The following SCD5 variants were observed in gnomAD, a reference collection of about 807,000 sequenced individuals.
The protein encoded by SCD5 is acyl-CoA-desaturase 4.
A neutral mutation model predicts 30.4 loss-of-function variants in SCD5; 20 were observed. That is an observed-to-expected ratio of 0.66 (90% CI 0.46 to 0.96). The LOEUF (loss-of-function observed/expected upper bound fraction) is 0.96, where lower values mean the gene tolerates loss of function less well. Ranked by LOEUF, SCD5 falls within the 40% of genes least tolerant of loss-of-function variation. The pLI is 0.00. For missense variants in SCD5, 381 were observed against 443.3 expected (o/e 0.86, Z 1.26); for synonymous variants, 173 against 176.4 (o/e 0.98, Z 0.16).
At chr4:82,735,016 A>G (rs113185805) in intron 1 of SCD5, among the ~76,000 whole-genome samples, 48,220 of 151,260 alleles carry the variant, frequency 0.32, 7,811 homozygotes, top group Middle Eastern at 0.38. Context: ...CAATCTGCCC[A>G]CCTCAGCCTC....
chr4:82,640,958 C>T (rs572438777), intron 3 of SCD5, among the ~76,000 whole-genome samples: 1 of 152,210 alleles, frequency 6.6e-6, no homozygotes, highest in Non-Finnish European at 1.5e-5. Flanking sequence ...CACCACAGAA[C>T]ATTCAACTAC....
chr4:82,696,492 T>G (rs76907086), intron 2 of SCD5, among the ~76,000 whole-genome samples: 3,131 of 152,324 alleles, frequency 0.021, 103 homozygotes, highest in African/African-American at 0.072. Context: ...TTTCATTTCG[T>G]ATCTTCATTA....
At chr4:82,793,373 CAA>C (rs1162373750) in intron 1 of SCD5, among the ~76,000 whole-genome samples, 1 of 151,972 alleles carries the variant, frequency 6.6e-6, no homozygotes, top group Non-Finnish European at 1.5e-5. Context: ...AGCTACAAAA[CAA>C]TGATCTTTTG....
At chr4:82,713,088 G>A (rs1016310776) in intron 1 of SCD5, among the ~76,000 whole-genome samples, 1 of 152,110 alleles carries the variant, frequency 6.6e-6, no homozygotes, top group Non-Finnish European at 1.5e-5. Flanking sequence ...CTACTGTGCC[G>A]CATATGAGCT....
At chr4:82,697,177 T>C (rs1263898063) in intron 2 of SCD5, among the ~76,000 whole-genome samples, 1 of 152,246 alleles carries the variant, frequency 6.6e-6, no homozygotes, top group Non-Finnish European at 1.5e-5. Context: ...AGATTCCCAA[T>C]TGACAGGACT....
At chr4:82,755,855 C>G (rs1721224616) in intron 1 of SCD5, among the ~76,000 whole-genome samples, 1 of 152,192 alleles carries the variant, frequency 6.6e-6, no homozygotes, top group African/African-American at 2.4e-5. Flanking sequence ...TAAAGGCTGG[C>G]ACGGCTCCAT....
chr4:82,664,991 CTCTCT>C (rs1728139196), intron 3 of SCD5, among the ~76,000 whole-genome samples: 1 of 96,158 alleles, frequency 1.0e-5, no homozygotes, highest in Non-Finnish European at 2.0e-5. Flanking sequence ...CTCTCTCTCT[CTCTCT>C]CTCTATATAT....
At chr4:82,707,118 T>G (rs1419579783) in intron 1 of SCD5, among the ~76,000 whole-genome samples, 1 of 152,236 alleles carries the variant, frequency 6.6e-6, no homozygotes, top group African/African-American at 2.4e-5. Context: ...GTTGGATGCT[T>G]ACTAGCTGCA....
At chr4:82,763,149 A>G (rs1438117353) in intron 1 of SCD5, among the ~76,000 whole-genome samples, 1 of 152,182 alleles carries the variant, frequency 6.6e-6, no homozygotes, top group Non-Finnish European at 1.5e-5. Context: ...CACCCAACTC[A>G]TATGCTGAAG....
chr4:82,752,943 C>G (rs896731282), intron 1 of SCD5, among the ~76,000 whole-genome samples: 9 of 152,144 alleles, frequency 5.9e-5, no homozygotes, highest in African/African-American at 1.9e-4. Context: ...ATATCTTTTA[C>G]TTAATTCCCT....
chr4:82,682,885 C>T (rs1188908875), intron 2 of SCD5, among the ~76,000 whole-genome samples: 2 of 152,076 alleles, frequency 1.3e-5, no homozygotes, highest in African/African-American at 2.4e-5. Flanking sequence ...GTGTGATCTT[C>T]GGTCCCTGAA....
chr4:82,705,484 C>T, intron 1 of SCD5, 71 bp from the exon 2 acceptor site: 15 of 1,582,514 alleles, frequency 9.5e-6, no homozygotes, highest in Non-Finnish European at 1.3e-5. Context: ...TGCTTTTTCT[C>T]TCCTGAACAG....
At chr4:82,719,746 A>T (rs1464486775) in intron 1 of SCD5, among the ~76,000 whole-genome samples, 3 of 149,090 alleles carry the variant, frequency 2.0e-5, no homozygotes, top group Non-Finnish European at 4.4e-5. Context: ...CTTGTGATCC[A>T]CCCGCCTCGG....
intron 1 of SCD5, among the ~76,000 whole-genome samples, chr4:82,752,443 T>A (rs965723009): frequency 6.6e-6 from 1 of 152,072 alleles, no homozygotes; most frequent in Non-Finnish European, 1.5e-5. Flanking sequence ...TCATTTTACT[T>A]CTTCTACTAG....
intron 1 of SCD5, among the ~76,000 whole-genome samples, chr4:82,756,228 G>A (rs1340174191): frequency 1.3e-5 from 2 of 152,218 alleles, no homozygotes; most frequent in African/African-American, 4.8e-5. Flanking sequence ...AATTCCTGCT[G>A]GTGGCAGCAG....
At chr4:82,704,672 G>C (rs2148827294) in intron 2 of SCD5, among the ~76,000 whole-genome samples, 1 of 152,326 alleles carries the variant, frequency 6.6e-6, no homozygotes. Context: ...GTGATTCACA[G>C]CCAGCACCCA....
At chr4:82,751,576 A>C (rs1346067667) in intron 1 of SCD5, among the ~76,000 whole-genome samples, 3 of 152,186 alleles carry the variant, frequency 2.0e-5, no homozygotes, top group African/African-American at 7.2e-5. Flanking sequence ...TCTGTTTCAG[A>C]GCACAAGGAT....
intron 1 of SCD5, among the ~76,000 whole-genome samples, chr4:82,792,235 C>G (rs1369044090): frequency 6.6e-6 from 1 of 151,598 alleles, no homozygotes; most frequent in Non-Finnish European, 1.5e-5. Context: ...TGCACTCCAG[C>G]CTGGGTAACA....
chr4:82,660,497 C>A, intron 3 of SCD5: 1 of 1,045,124 alleles, frequency 9.6e-7, no homozygotes, highest in African/African-American at 1.7e-5. Flanking sequence ...TGGAATATCT[C>A]CTATAGAGTG....
Sources: gnomAD v4.1 joint callset for allele counts (sites outside exome capture counted in the v4.1 genomes callset) on GRCh38, gnomAD v4.1.1 for gene constraint, MANE v1.5 for transcripts, NCBI Gene and HGNC (gene_info 2026-07-23, HGNC 2026-07-21) for gene names.